Variants in ANGPTL5 observed in about 807,000 individuals in gnomAD.
ANGPTL5 encodes the protein angiopoietin like 5.
ANGPTL5 carries 34 observed loss-of-function variants against 39.4 expected under a neutral mutation model. The observed-to-expected ratio is 0.86, with a 90% CI of 0.66 to 1.15. ANGPTL5 has a LOEUF of 1.15. ANGPTL5 is among the 50% of genes most tolerant of loss of function. ANGPTL5 has a pLI of 0.00. For missense variants in ANGPTL5, 467 were observed against 457.5 expected (o/e 1.02, Z -0.19); for synonymous variants, 146 against 152.1 (o/e 0.96, Z 0.29).
chr11:101,893,598 C>A (rs1480218987), intron 8 of ANGPTL5, among the ~76,000 whole-genome samples: 1 of 152,166 alleles, frequency 6.6e-6, no homozygotes, highest in Admixed American at 6.5e-5. Flanking sequence ...CAATATTATC[C>A]TTTAATTAGA....
intron 8 of ANGPTL5, 27 bp from the exon 9 acceptor site, chr11:101,891,625 A>C (rs746966691): frequency 6.9e-6 from 11 of 1,597,226 alleles, no homozygotes; most frequent in Non-Finnish European, 9.4e-6. Flanking sequence ...TAATGATCGA[A>C]TTTAAAGGAA....
intron 1 of ANGPTL5, among the ~76,000 whole-genome samples, chr11:101,912,790 G>A (rs1357356942): frequency 7.2e-5 from 11 of 152,136 alleles, no homozygotes. Context: ...GGGATGGAAG[G>A]TCAGCTATGC....
At chr11:101,895,669 T>C (rs1939778700) in intron 7 of ANGPTL5, among the ~76,000 whole-genome samples, 1 of 152,146 alleles carries the variant, frequency 6.6e-6, no homozygotes, top group Non-Finnish European at 1.5e-5. Context: ...GGGTTTAGGA[T>C]CAATATTTCC....
chr11:101,909,567 C>T (rs1440535427), intron 1 of ANGPTL5, among the ~76,000 whole-genome samples: 58 of 152,154 alleles, frequency 3.8e-4, no homozygotes, highest in Admixed American at 3.7e-3. Context: ...AATGGCAGAA[C>T]TTCAGCAGAA....
intron 8 of ANGPTL5, 29 bp downstream of exon 8, chr11:101,894,850 G>A (rs1939762881): frequency 1.3e-6 from 2 of 1,561,292 alleles, no homozygotes; most frequent in Admixed American, 3.3e-5. Context: ...TTTAGATCTG[G>A]ATAATTTTAG....
chr11:101,912,588 T>C (rs1312440530), intron 1 of ANGPTL5, among the ~76,000 whole-genome samples: 1 of 152,202 alleles, frequency 6.6e-6, no homozygotes, highest in Non-Finnish European at 1.5e-5. Context: ...AAAAAACCTA[T>C]GATTAAAAAA....
intron 3 of ANGPTL5, among the ~76,000 whole-genome samples, chr11:101,906,837 T>G (rs1940004700): frequency 6.6e-6 from 1 of 152,134 alleles, no homozygotes; most frequent in Non-Finnish European, 1.5e-5. Context: ...GCCATCTGTC[T>G]TAATAGGTCT....
intron 1 of ANGPTL5, chr11:101,915,265 A>C (rs368939235): frequency 1.2e-6 from 2 of 1,612,806 alleles, no homozygotes; most frequent in Non-Finnish European, 1.7e-6. Context: ...GCGAGCAGAC[A>C]GGCGGCGCTG....
intron 4 of ANGPTL5, among the ~76,000 whole-genome samples, chr11:101,905,187 C>T (rs1213977669): frequency 6.6e-6 from 1 of 152,202 alleles, no homozygotes; most frequent in African/African-American, 2.4e-5. Flanking sequence ...TAGTTTCTTA[C>T]CTCCTCCTTT....
intron 1 of ANGPTL5, among the ~76,000 whole-genome samples, chr11:101,910,424 A>AAATAT (rs1469724609): frequency 4.7e-5 from 6 of 127,218 alleles, no homozygotes; most frequent in African/African-American, 1.8e-4. Flanking sequence ...AAAAAAAAAA[A>AAATAT]ATATATATAT....
chr11:101,908,321 A>C (rs937663812), intron 1 of ANGPTL5, among the ~76,000 whole-genome samples: 5 of 152,208 alleles, frequency 3.3e-5, no homozygotes, highest in Admixed American at 6.5e-5. Context: ...GATAAGCTAT[A>C]CATCAATAAT....
rs1342263571 is a variant in ANGPTL5 at position 101,907,955 on chromosome 11, T to C, written c.-46A>G. ...AACACTTCTTCAAATATCAGTCAGC[T>C]CTTTGTGGAAAGAACTACAGAGCAT... On this transcript the variant is annotated 5_prime_UTR_variant, in exon 2 of 9. Coordinates refer to ENST00000334289, the MANE Select transcript of ANGPTL5 (RefSeq NM_178127.5). The C allele has an allele frequency of 2.2e-6, 3 of 1,364,048 alleles. No homozygotes were observed. Among genetic ancestry groups the C allele is most frequent in the Non-Finnish European group, 3.1e-6 (3 of 958,358 alleles). 84.5% of individuals were successfully genotyped at this position (1,364,048 alleles called of 1,614,324 possible).
chr11:101,894,738 G>T, intron 8 of ANGPTL5, 141 bp downstream of exon 8: 1 of 840,078 alleles, frequency 1.2e-6, no homozygotes, highest in Non-Finnish European at 1.9e-6. Context: ...CTCAAGACTT[G>T]GCCAGCTTTC....
At position 101,907,926 on chromosome 11, in the gene ANGPTL5, T is replaced by C. The variant is rs772178264; in HGVS notation, c.-17A>G. On this transcript the variant is annotated 5_prime_UTR_variant, in exon 2 of 9. Coordinates refer to ENST00000334289, the MANE Select transcript of ANGPTL5 (RefSeq NM_178127.5). The stretch of plus-strand genomic sequence containing the variant: ...AGACATCATATTTTTCTTGGATAGA[T>C]GAAAACACTTCTTCAAATATCAGTC... 4.6e-6 allele frequency: 7 copies of C among 1,506,468 alleles called. No individual in the cohort carries two copies. Among genetic ancestry groups the C allele is most frequent in the Non-Finnish European group, 3.7e-6 (4 of 1,083,226 alleles). 93.3% of individuals were successfully genotyped at this position (1,506,468 alleles called of 1,614,324 possible).
At chr11:101,903,570 T>C (rs1939946346) in intron 5 of ANGPTL5, among the ~76,000 whole-genome samples, 1 of 152,122 alleles carries the variant, frequency 6.6e-6, no homozygotes, top group Non-Finnish European at 1.5e-5. Context: ...CACACCCAAA[T>C]AATGAAGAAA....
In ANGPTL5 at chr11:101,895,000, C is replaced by T. The variant is rs749465712; in HGVS notation, c.726G>A (p.Met242Ile). The T allele has an allele frequency of 6.2e-7, 1 of 1,610,030 alleles. No individual in the cohort carries two copies. Among genetic ancestry groups the T allele is most frequent in the Middle Eastern group, 1.7e-4 (1 of 6,044 alleles). The change falls in exon 8 of 9, where the codon ATG (methionine) becomes ATA (isoleucine). Residue 242 changes from methionine to isoleucine, a missense_variant. By Grantham distance (10) the Met-to-Ile change is conservative. Transcript: ENST00000334289. ...YIVNQKNTSF[M>I]LYVALESEDD... The stretch of plus-strand genomic sequence containing the variant: ...CTTCAGATTCCAAAGCCACATACAG[C>T]ATAAAACTGGTATTTTTCTGATTTA...
At chr11:101,891,783 C>T (rs1472256141) in intron 8 of ANGPTL5, among the ~76,000 whole-genome samples, 185 bp from the exon 9 acceptor site, 1 of 152,106 alleles carries the variant, frequency 6.6e-6, no homozygotes, top group East Asian at 1.9e-4. Context: ...GATGAGTTCC[C>T]CAACACAACA....
In ANGPTL5 at chr11:101,907,900, G is replaced by C; in HGVS notation, c.10C>G (p.Pro4Ala). Residue 4 changes from proline (P) to alanine (A), a missense_variant, in exon 2 of 9, where the codon CCA becomes GCA. Transcript: ENST00000334289. The stretch of plus-strand genomic sequence containing the variant: ...AAGAATAAGAGTGAGGCTTGGGATG[G>C]AGACATCATATTTTTCTTGGATAGA... The part of the protein sequence containing the change: MMS[P>A]SQASLLFLNV... The C allele has an allele frequency of 6.2e-7, 1 of 1,603,776 alleles. No homozygotes were observed. The highest frequency in any genetic ancestry group is 8.5e-7 in the Non-Finnish European group (1 of 1,170,968).
chr11:101,915,016 T>A, intron 1 of ANGPTL5: 1 of 399,564 alleles, frequency 2.5e-6, no homozygotes, highest in Non-Finnish European at 4.5e-6. Flanking sequence ...GGACGCGCCG[T>A]CGGTTGTTGT....
Sources: gnomAD v4.1 joint callset for allele counts (sites outside exome capture counted in the v4.1 genomes callset) on GRCh38, gnomAD v4.1.1 for gene constraint, MANE v1.5 for transcripts, NCBI Gene and HGNC (gene_info 2026-07-23, HGNC 2026-07-21) for gene names.